Variants in CHIC2 observed in about 807,000 individuals in gnomAD.
CHIC2 encodes cysteine rich hydrophobic domain 2, also known as cysteine-rich hydrophobic domain-containing protein 2.
CHIC2 carries 14 observed loss-of-function variants against 25.9 expected under a neutral mutation model. The ratio of observed to expected loss-of-function variants is 0.54; its 90% CI spans 0.36 to 0.85. The LOEUF (loss-of-function observed/expected upper bound fraction) is 0.85, where lower values mean the gene tolerates loss of function less well. Ranked by LOEUF, CHIC2 falls within the 40% of genes least tolerant of loss-of-function variation. CHIC2 has a pLI of 0.01. For missense variants in CHIC2, 146 were observed against 202.0 expected (o/e 0.72, Z 1.68); for synonymous variants, 70 against 72.0 (o/e 0.97, Z 0.14).
At chr4:54,016,887 C>A (rs1439392205) in intron 3 of CHIC2, among the ~76,000 whole-genome samples, 1 of 145,300 alleles carries the variant, frequency 6.9e-6, no homozygotes, top group Admixed American at 6.8e-5. Flanking sequence ...TTGTTAGTAA[C>A]AACAAAAGCT....
intron 3 of CHIC2, among the ~76,000 whole-genome samples, chr4:54,033,244 A>G (rs1394104003): frequency 1.3e-5 from 2 of 152,202 alleles, no homozygotes; most frequent in African/African-American, 4.8e-5. Flanking sequence ...AGTCCTTCTA[A>G]TAAGTATGTA....
At chr4:54,044,184 C>A (rs1486583711) in intron 3 of CHIC2, among the ~76,000 whole-genome samples, 1 of 152,122 alleles carries the variant, frequency 6.6e-6, no homozygotes, top group Admixed American at 6.5e-5. Context: ...AAGAGACTTA[C>A]ACTCCCACAC....
At chr4:54,037,632 C>T (rs961964226) in intron 3 of CHIC2, among the ~76,000 whole-genome samples, 4 of 152,048 alleles carry the variant, frequency 2.6e-5, no homozygotes, top group Non-Finnish European at 5.9e-5. Flanking sequence ...AAGTTTTGAA[C>T]ATGCCATTAC....
chr4:54,013,952 C>T (rs2110058827), intron 4 of CHIC2, 56 bp from the exon 5 acceptor site: 1 of 1,595,858 alleles, frequency 6.3e-7, no homozygotes, highest in African/African-American at 1.3e-5. Context: ...TTGCAGCACA[C>T]AGACTAACCC....
At chr4:54,067,586 C>T (rs1015836084), upstream of CHIC2, among the ~76,000 whole-genome samples, 1 of 152,156 alleles carries the variant, frequency 6.6e-6, no homozygotes, top group African/African-American at 2.4e-5. Flanking sequence ...TTGCACCCTG[C>T]TAAGTGCCCA....
At chr4:54,025,901 G>A (rs2110067511) in intron 3 of CHIC2, among the ~76,000 whole-genome samples, 1 of 151,608 alleles carries the variant, frequency 6.6e-6, no homozygotes, top group Admixed American at 6.6e-5. Flanking sequence ...AAGAAGAAAG[G>A]GGTAAAAGAA....
chr4:54,074,039 T>C, the CHIC2 span, among the ~76,000 whole-genome samples: 2 of 151,916 alleles, frequency 1.3e-5, no homozygotes, highest in Non-Finnish European at 2.9e-5. Context: ...ACACCTGTAG[T>C]CCCAGTTACT....
intron 3 of CHIC2, among the ~76,000 whole-genome samples, chr4:54,020,527 C>T (rs1014779641): frequency 2.0e-5 from 3 of 152,140 alleles, no homozygotes; most frequent in African/African-American, 2.4e-5. Context: ...GCTGAAGACC[C>T]GGGTCAGAGG....
At chr4:54,036,882 GTATGTCCCC>G (rs1241167927) in intron 3 of CHIC2, among the ~76,000 whole-genome samples, 1 of 151,056 alleles carries the variant, frequency 6.6e-6, no homozygotes, top group Non-Finnish European at 1.5e-5. Flanking sequence ...AAAAAAAAGT[GTATGTCCCC>G]AAAAAGACCT....
intron 3 of CHIC2, among the ~76,000 whole-genome samples, chr4:54,030,898 C>G (rs143219714): frequency 6.9e-6 from 1 of 145,702 alleles, no homozygotes; most frequent in Admixed American, 6.9e-5. Context: ...TTTTTTGAGA[C>G]GGAGTCTCAC....
At chr4:54,010,188 A>C (rs758547931) in intron 5 of CHIC2, 43 bp from the exon 6 acceptor site, 54 of 1,435,894 alleles carry the variant, frequency 3.8e-5, no homozygotes, top group Non-Finnish European at 5.0e-5. Flanking sequence ...TTTAAACAAA[A>C]TTTTTTCTTA....
At chr4:54,088,290 G>A in the CHIC2 span, among the ~76,000 whole-genome samples, 2 of 152,044 alleles carry the variant, frequency 1.3e-5, no homozygotes, top group Non-Finnish European at 2.9e-5. Context: ...TTGAAGGGTG[G>A]TCGTTTGTTT....
intron 3 of CHIC2, among the ~76,000 whole-genome samples, chr4:54,048,375 A>G (rs545664887): frequency 9.8e-5 from 15 of 152,294 alleles, no homozygotes; most frequent in Non-Finnish European, 1.0e-4. Context: ...TCACTACAGG[A>G]AACTTGTAAA....
rs1717422581 is a variant in CHIC2, at chr4:54,064,095, A to G, written c.119+87T>C. Reference sequence around the variant, plus strand: ...TCTTTCGGAAGGCCCCCGACACCAGACGGACACAGGGGAAACGGGGCTCCC... The same window carrying G: ...TCTTTCGGAAGGCCCCCGACACCAGGCGGACACAGGGGAAACGGGGCTCCC... On this transcript the variant is annotated intron_variant, in intron 1 of 5. Coordinates refer to ENST00000263921, the MANE Select transcript of CHIC2 (RefSeq NM_012110.4). The surrounding 1 kb of genome is among the most constrained non-coding windows in gnomAD (Gnocchi z 4.2). The G allele has an allele frequency of 5.1e-6, 6 of 1,169,776 alleles. No individual in the cohort carries two copies. The Admixed American group carries it at 1.2e-4, about 23-fold the overall frequency. The allele number at this position is 1,169,776 out of a possible 1,614,324, so 72.5% of individuals were successfully genotyped here.
chr4:54,075,389 T>A, the CHIC2 span, among the ~76,000 whole-genome samples: 49 of 152,272 alleles, frequency 3.2e-4, no homozygotes, highest in African/African-American at 1.0e-3. Flanking sequence ...AACAAAATAG[T>A]TTTAAGTGAA....
intron 3 of CHIC2, among the ~76,000 whole-genome samples, chr4:54,036,176 G>A (rs1009566769): frequency 1.3e-5 from 2 of 152,172 alleles, no homozygotes; most frequent in African/African-American, 4.8e-5. Context: ...CCTATTGTTG[G>A]TTAGAGTGTT....
At position 54,015,248 on chromosome 4, in the gene CHIC2, T is replaced by C. The variant is rs1383321768; in HGVS notation, c.331-1129A>G. Among the ~76,000 whole-genome samples, 5 of 152,262 alleles carry C rather than the reference T, an allele frequency of 3.3e-5. No individual in the cohort carries two copies. The East Asian group carries it at 9.6e-4, about 29-fold the overall frequency. The stretch of plus-strand genomic sequence containing the variant: ...CTGCCTTACATTTTCCAAGCTTATG[T>C]CATAAAAATCGGAAAATCAACTACT... On this transcript the variant is annotated intron_variant, in intron 3 of 5. Coordinates refer to ENST00000263921, the MANE Select transcript of CHIC2 (RefSeq NM_012110.4).
At chr4:54,035,936 C>T (rs927060684) in intron 3 of CHIC2, among the ~76,000 whole-genome samples, 1 of 152,112 alleles carries the variant, frequency 6.6e-6, no homozygotes, top group Non-Finnish European at 1.5e-5. Context: ...TTAAATTTCC[C>T]TTTTGATTTC....
chr4:54,050,059 T>C (rs190341986), intron 1 of CHIC2, among the ~76,000 whole-genome samples: 153 of 152,284 alleles, frequency 1.0e-3, no homozygotes, highest in African/African-American at 3.5e-3. Flanking sequence ...ATCTTGCTTT[T>C]ATCTATCAGA....
Sources: allele counts gnomAD v4.1 joint callset (sites outside exome capture counted in the v4.1 genomes callset), GRCh38; gene constraint gnomAD v4.1.1; non-coding constraint Gnocchi (gnomAD v3.1); transcripts MANE v1.5; gene names NCBI Gene and HGNC (gene_info 2026-07-23, HGNC 2026-07-21).